Variants in ARHGAP15 observed in about 807,000 individuals in gnomAD.
The protein encoded by ARHGAP15 is rho GTPase-activating protein 15.
Under a neutral mutation model 63.7 loss-of-function variants are expected in ARHGAP15, and 51 were observed. The observed-to-expected ratio is 0.80, with a 90% CI of 0.64 to 1.01. The LOEUF (loss-of-function observed/expected upper bound fraction) is 1.01. Ranked by LOEUF, ARHGAP15 falls within the 50% of genes least tolerant of loss-of-function variation. The probability of loss-of-function intolerance (pLI) is 0.00; values close to 1 mark genes in which losing one functional copy is unlikely to be tolerated. For synonymous variants in ARHGAP15, 191 were observed against 193.8 expected, an observed-to-expected ratio of 0.99 and a Z score of 0.12; for missense variants, 560 against 564.6, an observed-to-expected ratio of 0.99 and a Z score of 0.08.
At chr2:143,510,099 A>G (rs893043442) in intron 9 of ARHGAP15, among the ~76,000 whole-genome samples, 1 of 151,610 alleles carries the variant, frequency 6.6e-6, no homozygotes, top group Admixed American at 6.6e-5. Context: ...CTGAAAACCA[A>G]TTCTCAAAAG....
At chr2:143,662,225 G>T (rs370471625) in intron 12 of ARHGAP15, among the ~76,000 whole-genome samples, 21 of 151,982 alleles carry the variant, frequency 1.4e-4, no homozygotes, top group South Asian at 1.3e-3. Context: ...ATCTGAGAAC[G>T]GGCAGACTGC....
intron 12 of ARHGAP15, among the ~76,000 whole-genome samples, chr2:143,640,250 T>C (rs550650157): frequency 6.6e-6 from 1 of 152,224 alleles, no homozygotes; most frequent in Admixed American, 6.5e-5. Flanking sequence ...GAACAATCCA[T>C]AGTAGTTAGG....
chr2:143,365,092 A>G (rs572652483), intron 6 of ARHGAP15, among the ~76,000 whole-genome samples: 1 of 152,338 alleles, frequency 6.6e-6, no homozygotes, highest in East Asian at 1.9e-4. Flanking sequence ...CTTAGTTCTT[A>G]TAATATAGAG....
chr2:143,176,897 G>A (rs530663296), intron 2 of ARHGAP15, among the ~76,000 whole-genome samples: 3 of 152,228 alleles, frequency 2.0e-5, no homozygotes, highest in African/African-American at 7.2e-5. Flanking sequence ...AGATTGGAGG[G>A]GGCTCTCTTT....
chr2:143,282,817 ATTTAGAAGG>A (rs1681916639), intron 6 of ARHGAP15, among the ~76,000 whole-genome samples: 1 of 152,130 alleles, frequency 6.6e-6, no homozygotes, highest in Non-Finnish European at 1.5e-5. Context: ...CTGGCATGCT[ATTTAGAAGG>A]TTAGCCCTTT....
At position 143,346,274 on chromosome 2, in the gene ARHGAP15, A is replaced by T. The variant is rs111896031; in HGVS notation, c.475-89327A>T. Among the ~76,000 whole-genome samples, 126 of 150,254 alleles carry T rather than the reference A, an allele frequency of 8.4e-4. 1 individual carries two copies. The highest frequency in any genetic ancestry group is 1.6e-3 in the Admixed American group (24 of 15,004). On this transcript the variant is annotated intron_variant, in intron 6 of 13. Transcript: ENST00000295095. Reference sequence around the variant, plus strand: ...CTCACACACACACACACACACACACACTCACAAACACACCAGGGAGAGGAT... The same window carrying T: ...CTCACACACACACACACACACACACTCTCACAAACACACCAGGGAGAGGAT...
intron 9 of ARHGAP15, among the ~76,000 whole-genome samples, chr2:143,514,031 A>G (rs1185450297): frequency 6.6e-6 from 1 of 152,184 alleles, no homozygotes; most frequent in African/African-American, 2.4e-5. Flanking sequence ...TATATAAAGT[A>G]CTTTGAGCCC....
At chr2:143,637,280 TCTTA>T (rs1486383772) in intron 12 of ARHGAP15, among the ~76,000 whole-genome samples, 10 of 152,170 alleles carry the variant, frequency 6.6e-5, no homozygotes, top group Admixed American at 1.3e-4. Context: ...AATATCTTCC[TCTTA>T]CTATGATAAA....
intron 11 of ARHGAP15, among the ~76,000 whole-genome samples, chr2:143,598,581 C>T (rs543955012): frequency 1.3e-5 from 2 of 152,214 alleles, no homozygotes; most frequent in African/African-American, 4.8e-5. Context: ...CTTTACTATG[C>T]CTGGCCTGAT....
chr2:143,566,775 C>G (rs1164949176), intron 11 of ARHGAP15, among the ~76,000 whole-genome samples: 1 of 152,148 alleles, frequency 6.6e-6, no homozygotes, highest in Admixed American at 6.5e-5. Context: ...TCAGGAAGCC[C>G]TTTCCTGAAT....
chr2:143,269,703 AC>A (rs1225434872), intron 6 of ARHGAP15, among the ~76,000 whole-genome samples: 1 of 152,080 alleles, frequency 6.6e-6, no homozygotes, highest in Non-Finnish European at 1.5e-5. Flanking sequence ...AAGTCAAGCT[AC>A]TTTTAAAATA....
intron 9 of ARHGAP15, among the ~76,000 whole-genome samples, chr2:143,489,669 C>T (rs1034085508): frequency 3.9e-5 from 6 of 151,992 alleles, no homozygotes; most frequent in Admixed American, 2.6e-4. Context: ...ACAATAAAAT[C>T]AGTATTTTTA....
chr2:143,458,966 A>C (rs987187440), intron 8 of ARHGAP15, among the ~76,000 whole-genome samples: 7 of 152,176 alleles, frequency 4.6e-5, no homozygotes, highest in Non-Finnish European at 1.0e-4. Flanking sequence ...TAATTTAAGC[A>C]ACTGACTAGA....
At position 143,188,613 on chromosome 2, in the gene ARHGAP15, C is replaced by CATTATTATT. The variant is rs143767405; in HGVS notation, c.166-13487_166-13479dup. 1.9e-3 allele frequency among the ~76,000 whole-genome samples: 269 copies of CATTATTATT among 140,834 alleles called. 1 individual carries two copies. The highest frequency in any genetic ancestry group is 3.9e-3 in the African/African-American group (147 of 37,990). The allele number at this position is 140,834 out of a possible 152,430, so 92.4% of individuals were successfully genotyped here. On this transcript the variant is annotated intron_variant, in intron 2 of 13. Transcript: ENST00000295095. ...GTGTTCCTGTGCCTTATTATTTTGTCATTATTATTATTATTATTATTATTA... is the reference window on the plus strand; with the variant it reads ...GTGTTCCTGTGCCTTATTATTTTGTCATTATTATTATTATTATTATTATTATTATTATTA...
chr2:143,488,444 T>C (rs1163054686), intron 9 of ARHGAP15, among the ~76,000 whole-genome samples: 1 of 152,224 alleles, frequency 6.6e-6, no homozygotes, highest in Non-Finnish European at 1.5e-5. Flanking sequence ...ATTGATTCTT[T>C]TTAAAAACAA....
intron 5 of ARHGAP15, among the ~76,000 whole-genome samples, chr2:143,240,823 C>T (rs543848202): frequency 5.9e-5 from 9 of 152,148 alleles, no homozygotes; most frequent in South Asian, 2.1e-4. Context: ...ATCAAGTGAT[C>T]GATATTGCTA....
At chr2:143,471,225 T>G (rs951574040) in intron 8 of ARHGAP15, among the ~76,000 whole-genome samples, 16 of 147,422 alleles carry the variant, frequency 1.1e-4, no homozygotes, top group Non-Finnish European at 2.2e-4. Context: ...TACACACACA[T>G]GTGTATGTGT....
intron 12 of ARHGAP15, among the ~76,000 whole-genome samples, chr2:143,686,691 T>C (rs1683366319): frequency 6.6e-6 from 1 of 152,244 alleles, no homozygotes; most frequent in African/African-American, 2.4e-5. Flanking sequence ...CAGGGCCAAT[T>C]TCCTGTGCTT....
At chr2:143,488,607 G>A (rs888238151) in intron 9 of ARHGAP15, among the ~76,000 whole-genome samples, 4 of 152,172 alleles carry the variant, frequency 2.6e-5, no homozygotes, top group African/African-American at 4.8e-5. Context: ...TATAGAAATC[G>A]AGAGGTGATT....
Sources: gnomAD v4.1 joint callset for allele counts (sites outside exome capture counted in the v4.1 genomes callset) on GRCh38, gnomAD v4.1.1 for gene constraint, MANE v1.5 for transcripts, NCBI Gene and HGNC (gene_info 2026-07-23, HGNC 2026-07-21) for gene names.